The following GRID1 variants were observed in gnomAD, a reference collection of about 807,000 sequenced individuals.
The protein encoded by GRID1 is glutamate receptor ionotropic, delta-1.
Under a neutral mutation model 98.0 loss-of-function variants are expected in GRID1, and 28 were observed. That is an observed-to-expected ratio of 0.29 (90% CI 0.21 to 0.39). The LOEUF (loss-of-function observed/expected upper bound fraction) is 0.39. GRID1 is among the 10% of genes least tolerant of loss of function. GRID1 has a pLI of 1.00. For missense variants in GRID1, 1,111 were observed against 1,340.5 expected (o/e 0.83, Z 2.67); for synonymous variants, 553 against 538.5 (o/e 1.03, Z -0.37).
chr10:85,913,618 C>T (rs969110392), intron 5 of GRID1, among the ~76,000 whole-genome samples: 19 of 152,028 alleles, frequency 1.2e-4, no homozygotes, highest in African/African-American at 4.8e-5. Flanking sequence ...GATAAAACCC[C>T]GCCCTACTAA....
chr10:86,028,373 G>A (rs1291055366), intron 4 of GRID1, among the ~76,000 whole-genome samples: 2 of 152,174 alleles, frequency 1.3e-5, no homozygotes. Context: ...AAGGTCCCAG[G>A]CCATGGGATT....
At chr10:85,781,324 C>A (rs1212846331) in intron 8 of GRID1, among the ~76,000 whole-genome samples, 1 of 152,198 alleles carries the variant, frequency 6.6e-6, no homozygotes, top group Non-Finnish European at 1.5e-5. Flanking sequence ...AAGAACATTT[C>A]CCTTCAAATA....
At chr10:86,155,311 T>C (rs777586428) in intron 3 of GRID1, among the ~76,000 whole-genome samples, 1 of 152,232 alleles carries the variant, frequency 6.6e-6, no homozygotes, top group Non-Finnish European at 1.5e-5. Flanking sequence ...TTCTTCAAGA[T>C]GTCAACCACA....
intron 2 of GRID1, among the ~76,000 whole-genome samples, chr10:86,296,192 G>C (rs1847586178): frequency 2.6e-5 from 4 of 152,214 alleles, no homozygotes; most frequent in Non-Finnish European, 5.9e-5. Flanking sequence ...TCACCGTTAA[G>C]TGAAACCATT....
chr10:86,246,664 C>T (rs992467079), intron 2 of GRID1, among the ~76,000 whole-genome samples: 2 of 152,204 alleles, frequency 1.3e-5, no homozygotes, highest in African/African-American at 2.4e-5. Flanking sequence ...AACCCTGTCC[C>T]ACCCCCACGT....
At chr10:85,865,926 TATATATATATATATATACAC>T (rs1408687150) in intron 6 of GRID1, among the ~76,000 whole-genome samples, 10 of 113,436 alleles carry the variant, frequency 8.8e-5, no homozygotes, top group African/African-American at 3.5e-4. Flanking sequence ...TATATATATA[TATATATATATATATATACAC>T]ATATATATGG....
At chr10:85,974,283 G>GTTTGT (rs143157635) in intron 4 of GRID1, among the ~76,000 whole-genome samples, 4,159 of 150,982 alleles carry the variant, frequency 0.028, 102 homozygotes, top group Non-Finnish European at 0.042. Flanking sequence ...CAAGTTTTTT[G>GTTTGT]TTTGTTTTGT....
intron 2 of GRID1, among the ~76,000 whole-genome samples, chr10:86,258,927 T>G (rs1846967143): frequency 6.6e-6 from 1 of 152,008 alleles, no homozygotes; most frequent in South Asian, 2.1e-4. Context: ...AATAGAAAAA[T>G]TCCTGGAACT....
chr10:86,081,865 G>C (rs1843983396), intron 4 of GRID1, among the ~76,000 whole-genome samples: 1 of 152,198 alleles, frequency 6.6e-6, no homozygotes, highest in Non-Finnish European at 1.5e-5. Context: ...AATAGGCAGA[G>C]CACAGAGCAT....
intron 12 of GRID1, among the ~76,000 whole-genome samples, chr10:85,701,157 A>T (rs1270564918): frequency 1.3e-5 from 2 of 152,106 alleles, no homozygotes; most frequent in Non-Finnish European, 2.9e-5. Flanking sequence ...AATTAATGGG[A>T]TACAGCAATG....
chr10:86,172,627 T>C (rs944975166), intron 3 of GRID1, among the ~76,000 whole-genome samples: 3 of 152,200 alleles, frequency 2.0e-5, no homozygotes, highest in Non-Finnish European at 4.4e-5. Context: ...TATCCAGGGA[T>C]AAAAGCAATC....
chr10:86,048,855 C>T (rs1030958464), intron 4 of GRID1, among the ~76,000 whole-genome samples: 2 of 152,238 alleles, frequency 1.3e-5, no homozygotes, highest in Admixed American at 6.5e-5. Flanking sequence ...AAAGGCCCTA[C>T]AGGCTTTGGC....
intron 2 of GRID1, among the ~76,000 whole-genome samples, chr10:86,257,867 A>G (rs902985869): frequency 4.6e-5 from 7 of 152,248 alleles, no homozygotes; most frequent in African/African-American, 1.7e-4. Flanking sequence ...ACAGGGGAGC[A>G]ATGCCAAGGA....
chr10:85,713,574 G>T (rs757435653), intron 12 of GRID1, among the ~76,000 whole-genome samples: 3 of 150,488 alleles, frequency 2.0e-5, no homozygotes, highest in Non-Finnish European at 4.4e-5. Flanking sequence ...TATCCCAGAT[G>T]AGCATAGATG....
intron 8 of GRID1, among the ~76,000 whole-genome samples, chr10:85,758,849 G>A (rs1274830615): frequency 6.6e-6 from 1 of 152,196 alleles, no homozygotes; most frequent in Non-Finnish European, 1.5e-5. Context: ...ACAGTGGAGA[G>A]CCTCCCACTA....
chr10:86,193,739 C>A (rs1845836745), intron 3 of GRID1, among the ~76,000 whole-genome samples: 1 of 152,044 alleles, frequency 6.6e-6, no homozygotes, highest in South Asian at 2.1e-4. Flanking sequence ...ACCTCAGAAT[C>A]CCTCCTTTCT....
intron 12 of GRID1, among the ~76,000 whole-genome samples, chr10:85,683,724 C>G (rs1841236753): frequency 6.6e-6 from 1 of 152,138 alleles, no homozygotes; most frequent in Non-Finnish European, 1.5e-5. Context: ...AAAACTAAAT[C>G]CATATTTTGA....
At chr10:86,159,519 G>T (rs1845290673) in intron 3 of GRID1, among the ~76,000 whole-genome samples, 1 of 152,122 alleles carries the variant, frequency 6.6e-6, no homozygotes, top group South Asian at 2.1e-4. Context: ...TATAGTCTAG[G>T]TGTATAGGTG....
At chr10:86,111,735 C>T (rs542447469) in intron 4 of GRID1, among the ~76,000 whole-genome samples, 129 of 152,326 alleles carry the variant, frequency 8.5e-4, no homozygotes, top group Non-Finnish European at 1.5e-3. Context: ...CCCAGGCTAA[C>T]AGATATCAGT....
Sources: allele counts gnomAD v4.1 joint callset (sites outside exome capture counted in the v4.1 genomes callset), GRCh38; gene constraint gnomAD v4.1.1; transcripts MANE v1.5; gene names NCBI Gene and HGNC (gene_info 2026-07-23, HGNC 2026-07-21).